RIMBP2: variants seen among roughly 807,000 people sequenced by gnomAD.
The protein encoded by RIMBP2 is RIMS-binding protein 2.
In RIMBP2, 48 loss-of-function variants were observed where a neutral mutation model predicts 118.6. That is an observed-to-expected ratio of 0.40 (90% confidence interval 0.32 to 0.51). The LOEUF (loss-of-function observed/expected upper bound fraction) is 0.51. RIMBP2 is among the 20% of genes least tolerant of loss of function. The pLI is 0.41. For missense variants in RIMBP2, 1,551 were observed against 1,768.3 expected, an observed-to-expected ratio of 0.88 and a Z score of 2.20; for synonymous variants, 762 against 742.9, an observed-to-expected ratio of 1.03 and a Z score of -0.42.
intron 5 of RIMBP2, 82 bp downstream of exon 5, chr12:130,478,830 G>C: frequency 2.0e-6 from 2 of 986,958 alleles, no homozygotes; most frequent in African/African-American, 1.6e-5. Flanking sequence ...GCCGCAGGTC[G>C]GCCGCTCCAC....
rs71468421 is a variant in RIMBP2, at chr12:130,414,298, C to G, written c.3247G>C (p.Gly1083Arg). Residue 1083 changes from glycine (G) to arginine (R), a missense_variant, in exon 18 of 23, where the codon GGG becomes CGG. Physicochemically the swap from Gly to Arg is moderately radical, Grantham distance 125 (BLOSUM62 -2). Transcript: ENST00000690449. ...AAGTCTGGAGAAAGGCGGTCTCGCCCGTAATCGTCTGCGAGCAAGTGGGGG... is the reference window on the plus strand; with the variant it reads ...AAGTCTGGAGAAAGGCGGTCTCGCCGGTAATCGTCTGCGAGCAAGTGGGGG... ...PVTVPSIDDY[G>R]RDRLSPDFYE... 1.3e-6 allele frequency: 2 copies of G among 1,586,156 alleles called. No homozygotes were observed. The highest frequency in any genetic ancestry group is 1.1e-5 in the South Asian group (1 of 87,032).
At chr12:130,641,836 G>A (rs189169833) in intron 1 of RIMBP2, among the ~76,000 whole-genome samples, 56 of 152,178 alleles carry the variant, frequency 3.7e-4, no homozygotes, top group African/African-American at 1.1e-3. Context: ...TGGCTGCACC[G>A]GGCTGGGCCC....
chr12:130,694,929 C>T (rs1191021426), intron 1 of RIMBP2, among the ~76,000 whole-genome samples: 1 of 152,152 alleles, frequency 6.6e-6, no homozygotes, highest in Non-Finnish European at 1.5e-5. Context: ...CAAACAGAAC[C>T]CAGTGCCTGA....
At chr12:130,456,754 G>A in intron 6 of RIMBP2, 54 bp from the exon 7 acceptor site, 2 of 1,374,400 alleles carry the variant, frequency 1.5e-6, no homozygotes, top group Non-Finnish European at 2.0e-6. Context: ...TGGTGGAAAT[G>A]TGTGTGCGCC....
At chr12:130,512,764 A>T (rs2138958564) in intron 3 of RIMBP2, among the ~76,000 whole-genome samples, 1 of 152,322 alleles carries the variant, frequency 6.6e-6, no homozygotes, top group South Asian at 2.1e-4. Context: ...ACAACCAAAG[A>T]AAAAACATCC....
chr12:130,619,867 C>T (rs796518316), intron 2 of RIMBP2, among the ~76,000 whole-genome samples: 9 of 152,156 alleles, frequency 5.9e-5, no homozygotes, highest in African/African-American at 9.7e-5. Flanking sequence ...GGTGGACAGC[C>T]GGTCAAAACA....
At chr12:130,501,889 T>C (rs2049822905) in intron 4 of RIMBP2, among the ~76,000 whole-genome samples, 2 of 152,282 alleles carry the variant, frequency 1.3e-5, no homozygotes, top group South Asian at 2.1e-4. Flanking sequence ...ACATCTACAT[T>C]CTTGCTGACG....
rs550891285 is a variant in RIMBP2 at position 130,489,823 on chromosome 12, T to C, written c.-3-10807A>G. Among the ~76,000 whole-genome samples, 49 of 152,260 alleles carry C rather than the reference T, an allele frequency of 3.2e-4. 1 individual carries two copies. The highest frequency in any genetic ancestry group is 1.1e-3 in the African/African-American group (46 of 41,550). Reference sequence around the variant, plus strand: ...GGAAAAGGATGAAGCCAACTCCAAATTGATGACACATTTCTATCACTCTTT... The same window carrying C: ...GGAAAAGGATGAAGCCAACTCCAAACTGATGACACATTTCTATCACTCTTT... On this transcript the variant is annotated intron_variant, in intron 4 of 22. Transcript: ENST00000690449.
Position 130,637,056 on chromosome 12 carries a change from T to C in RIMBP2, c.-351-8600A>G, listed in dbSNP as rs968553520. Among the ~76,000 whole-genome samples the C allele has an allele frequency of 2.6e-5, 4 of 152,162 alleles. No individual in the cohort carries two copies. In the East Asian group the frequency reaches 5.8e-4, roughly 22 times the overall value. ...ACCATCTCTTTGGCTCCAGGTTGCA[T>C]TTGAATGTTAAAATGGTAAAGTGTT... On this transcript the variant is annotated intron_variant, in intron 1 of 22. Coordinates refer to ENST00000690449, the MANE Select transcript of RIMBP2 (RefSeq NM_001393629.1).
At chr12:130,584,168 A>C (rs955118548) in intron 2 of RIMBP2, among the ~76,000 whole-genome samples, 1 of 149,286 alleles carries the variant, frequency 6.7e-6, no homozygotes, top group African/African-American at 2.5e-5. Context: ...TCATCACCAC[A>C]ATCACATCAC....
At chr12:130,668,926 G>A (rs1274244704) in intron 1 of RIMBP2, among the ~76,000 whole-genome samples, 1 of 152,238 alleles carries the variant, frequency 6.6e-6, no homozygotes, top group East Asian at 1.9e-4. Context: ...CCCCTGTACA[G>A]CGTTAGCAGG....
At chr12:130,643,529 C>A (rs540163631) in intron 1 of RIMBP2, among the ~76,000 whole-genome samples, 158 of 149,158 alleles carry the variant, frequency 1.1e-3, no homozygotes, top group African/African-American at 4.0e-3. Flanking sequence ...AGGTCAGGGG[C>A]AGGTGCCCCA....
chr12:130,687,360 C>T (rs2065101626), intron 1 of RIMBP2, among the ~76,000 whole-genome samples: 1 of 152,112 alleles, frequency 6.6e-6, no homozygotes, highest in Non-Finnish European at 1.5e-5. Context: ...AGAGATGCCT[C>T]GCGTTTTAAT....
chr12:130,545,814 G>A (rs548720759), intron 2 of RIMBP2, among the ~76,000 whole-genome samples: 12 of 152,220 alleles, frequency 7.9e-5, no homozygotes, highest in Admixed American at 3.9e-4. Flanking sequence ...ACGTGAGAAC[G>A]TGTGGGTCCC....
At chr12:130,536,000 G>A (rs2054047343) in intron 2 of RIMBP2, among the ~76,000 whole-genome samples, 1 of 151,916 alleles carries the variant, frequency 6.6e-6, no homozygotes, top group Non-Finnish European at 1.5e-5. Flanking sequence ...AGTTGCCCAG[G>A]CTGGGCTCGA....
intron 6 of RIMBP2, among the ~76,000 whole-genome samples, chr12:130,463,906 G>T (rs755122269): frequency 3.3e-5 from 5 of 151,134 alleles, no homozygotes; most frequent in Admixed American, 1.3e-4. Flanking sequence ...AGATGGCAAA[G>T]AGAGTGACCG....
intron 2 of RIMBP2, among the ~76,000 whole-genome samples, chr12:130,606,879 T>C (rs2060223273): frequency 6.6e-6 from 1 of 152,200 alleles, no homozygotes; most frequent in Non-Finnish European, 1.5e-5. Flanking sequence ...TCGCCCAGGC[T>C]AGGGTGCAGT....
intron 21 of RIMBP2, among the ~76,000 whole-genome samples, chr12:130,402,461 G>C (rs2074712461): frequency 6.6e-6 from 1 of 151,936 alleles, no homozygotes; most frequent in African/African-American, 2.4e-5. Flanking sequence ...TTCCTGCCTG[G>C]AGGGTTCCAT....
chr12:130,441,880 T>G lies in RIMBP2; in HGVS notation c.1472A>C (p.Glu491Ala). ...CAACGTGGAGAACTCCACAAAGGCCTCCTTCTTCTCCCTTTGCTCCAGCGG... is the reference window on the plus strand; with the variant it reads ...CAACGTGGAGAACTCCACAAAGGCCGCCTTCTTCTCCCTTTGCTCCAGCGG... ...QLPLEQREKK[E>A]AFVEFSTLPA... Residue 491 changes from glutamate to alanine, a missense_variant, in exon 11 of 23, where the codon GAG (glutamate) becomes GCG (alanine). This residue lies in a region of RIMBP2 where 1,038 missense variants were observed against 1,125.1 expected (regional missense o/e 0.92). Coordinates refer to ENST00000690449, the MANE Select transcript of RIMBP2 (RefSeq NM_001393629.1). The G allele has an allele frequency of 6.2e-7, 1 of 1,613,826 alleles. No individual in the cohort carries two copies. Among genetic ancestry groups the G allele is most frequent in the Non-Finnish European group, 8.5e-7 (1 of 1,180,042 alleles).
Sources: allele counts gnomAD v4.1 joint callset (sites outside exome capture counted in the v4.1 genomes callset), GRCh38; gene constraint gnomAD v4.1.1; regional missense constraint gnomAD v4.1.1; transcripts MANE v1.5; gene names NCBI Gene and HGNC (gene_info 2026-07-23, HGNC 2026-07-21).